Variants in LRP1B observed in about 807,000 individuals in gnomAD.
LRP1B encodes the protein low-density lipoprotein receptor-related protein 1B.
In LRP1B, 217 loss-of-function variants were observed where a neutral mutation model predicts 556.6. The ratio of observed to expected loss-of-function variants is 0.39; its 90% CI spans 0.35 to 0.44. The LOEUF (loss-of-function observed/expected upper bound fraction) is 0.44. LRP1B is among the 20% of genes least tolerant of loss of function. LRP1B has a pLI of 1.00. For synonymous variants in LRP1B, 2,047 were observed against 1,865.8 expected (o/e 1.10, Z -2.50); for missense variants, 5,053 against 5,620.8 (o/e 0.90, Z 3.23).
At chr2:142,111,266 G>A (rs1051506505) in intron 1 of LRP1B, among the ~76,000 whole-genome samples, 2 of 152,070 alleles carry the variant, frequency 1.3e-5, no homozygotes, top group African/African-American at 2.4e-5. Context: ...GCAAAGAGGT[G>A]CGCAAAGGTT....
chr2:141,858,551 A>G (rs996472231), intron 1 of LRP1B, among the ~76,000 whole-genome samples: 2 of 152,186 alleles, frequency 1.3e-5, no homozygotes, highest in Non-Finnish European at 2.9e-5. Context: ...ACATAGACTT[A>G]AGGAAAAATT....
intron 3 of LRP1B, among the ~76,000 whole-genome samples, chr2:141,457,067 C>T (rs558988272): frequency 6.6e-6 from 1 of 152,250 alleles, no homozygotes; most frequent in South Asian, 2.1e-4. Context: ...GTGATTATTA[C>T]CTTACCTTAC....
chr2:140,536,510 C>T, intron 46 of LRP1B, 71 bp downstream of exon 46: 1 of 1,476,210 alleles, frequency 6.8e-7, no homozygotes, highest in Non-Finnish European at 9.2e-7. Flanking sequence ...CACACCGAGA[C>T]AAGCAAACCA....
At chr2:141,798,464 TC>T (rs1218720792) in intron 2 of LRP1B, among the ~76,000 whole-genome samples, 51 of 152,054 alleles carry the variant, frequency 3.4e-4, no homozygotes, top group African/African-American at 1.1e-3. Context: ...TCCCAGCACT[TC>T]TGGGGGGCCG....
intron 86 of LRP1B, among the ~76,000 whole-genome samples, chr2:140,252,110 A>AG: frequency 7.0e-6 from 1 of 142,184 alleles, no homozygotes; most frequent in Admixed American, 7.2e-5. Context: ...AAAAAAAAAC[A>AG]GAAAAAAAAC....
Position 141,146,321 on chromosome 2 carries a change from C to T in LRP1B, c.1013+42100G>A, listed in dbSNP as rs554954758. On this transcript the variant is annotated intron_variant, in intron 7 of 90. Transcript: ENST00000389484. ...AGTATTCAAAGATTTTATTTACATT[C>T]ACATTATTTCACCTTTCTTTCTAAT... Among the ~76,000 whole-genome samples the T allele has an allele frequency of 5.9e-5, 9 of 152,306 alleles. No homozygotes were observed. The East Asian group carries it at 1.7e-3, about 29-fold the overall frequency.
At chr2:140,676,085 T>TA (rs1685662046) in intron 41 of LRP1B, among the ~76,000 whole-genome samples, 1 of 152,202 alleles carries the variant, frequency 6.6e-6, no homozygotes, top group South Asian at 2.1e-4. Context: ...GTATTAAATG[T>TA]AAAACTAAGT....
chr2:141,061,383 C>T (rs892518097), intron 8 of LRP1B, among the ~76,000 whole-genome samples: 10 of 151,610 alleles, frequency 6.6e-5, no homozygotes, highest in African/African-American at 2.4e-4. Flanking sequence ...AAAATAAGTG[C>T]CATTAGTGAG....
At chr2:141,984,871 C>T (rs1221110927) in intron 1 of LRP1B, among the ~76,000 whole-genome samples, 1 of 152,078 alleles carries the variant, frequency 6.6e-6, no homozygotes, top group Non-Finnish European at 1.5e-5. Flanking sequence ...GAGGTCTCAG[C>T]AATTAACTTC....
intron 54 of LRP1B, among the ~76,000 whole-genome samples, chr2:140,502,222 G>A (rs1449912258): frequency 2.6e-5 from 4 of 151,956 alleles, no homozygotes; most frequent in Admixed American, 2.6e-4. Flanking sequence ...TCAAGCCATA[G>A]GTCTCTGAGA....
intron 11 of LRP1B, among the ~76,000 whole-genome samples, chr2:141,038,860 CTTTAT>C (rs570905070): frequency 1.9e-3 from 285 of 152,086 alleles, no homozygotes; most frequent in Non-Finnish European, 3.3e-3. Flanking sequence ...GAATGTATTT[CTTTAT>C]TTTAATTCAT....
At chr2:140,709,067 T>C (rs1686940104) in intron 37 of LRP1B, among the ~76,000 whole-genome samples, 1 of 152,050 alleles carries the variant, frequency 6.6e-6, no homozygotes, top group Admixed American at 6.6e-5. Context: ...ACTGAAAAAG[T>C]ATATACATAA....
chr2:141,009,169 T>A (rs1276765369), intron 14 of LRP1B, among the ~76,000 whole-genome samples: 1 of 151,802 alleles, frequency 6.6e-6, no homozygotes, highest in Non-Finnish European at 1.5e-5. Flanking sequence ...ATATAAAATA[T>A]GTGAAACTAT....
chr2:141,700,305 G>A lies in LRP1B; in HGVS notation c.205+109974C>T, dbSNP rs76196634. On this transcript the variant is annotated intron_variant, in intron 2 of 90. Transcript: ENST00000389484. ...CAGACTGTAAACTCCATGAGAGCAG[G>A]TGCCTTGTCTATTTTTTTACTTCTG... 4.5e-3 allele frequency among the ~76,000 whole-genome samples: 685 copies of A among 151,868 alleles called. 7 individuals are homozygous for A. Among genetic ancestry groups the A allele is most frequent in the African/African-American group, 0.016 (647 of 41,484 alleles).
intron 20 of LRP1B, among the ~76,000 whole-genome samples, chr2:140,949,584 CTTT>C (rs11362098): frequency 6.6e-6 from 1 of 151,378 alleles, no homozygotes; most frequent in African/African-American, 2.4e-5. Context: ...TTATTCCTTT[CTTT>C]TTTTTTTATA....
chr2:141,455,248 T>TAAAA (rs201384628), intron 3 of LRP1B, among the ~76,000 whole-genome samples: 2 of 141,944 alleles, frequency 1.4e-5, no homozygotes, highest in Non-Finnish European at 1.5e-5. Context: ...TCTTAATCAT[T>TAAAA]AAAAAAAAAA....
intron 67 of LRP1B, among the ~76,000 whole-genome samples, chr2:140,379,352 A>G (rs1235792566): frequency 6.6e-6 from 1 of 152,142 alleles, no homozygotes; most frequent in African/African-American, 2.4e-5. Context: ...CATATAGAGT[A>G]ACATCTTGAT....
intron 1 of LRP1B, among the ~76,000 whole-genome samples, chr2:141,982,122 G>C (rs1702060763): frequency 6.6e-6 from 1 of 152,006 alleles, no homozygotes; most frequent in Non-Finnish European, 1.5e-5. Flanking sequence ...AATTAACATA[G>C]AACCTCTCCA....
At chr2:141,195,779 G>A (rs1681725828) in intron 6 of LRP1B, among the ~76,000 whole-genome samples, 1 of 152,014 alleles carries the variant, frequency 6.6e-6, no homozygotes, top group African/African-American at 2.4e-5. Flanking sequence ...ACACAACCAA[G>A]GCCTGGATCC....
Sources: allele counts gnomAD v4.1 joint callset (sites outside exome capture counted in the v4.1 genomes callset), GRCh38; gene constraint gnomAD v4.1.1; transcripts MANE v1.5; gene names NCBI Gene and HGNC (gene_info 2026-07-23, HGNC 2026-07-21).